Variants in PAPPA2 observed in about 807,000 individuals in gnomAD.
The protein encoded by PAPPA2 is pappalysin 2, also known as pappalysin-2.
Under a neutral mutation model 176.4 loss-of-function variants are expected in PAPPA2, and 86 were observed. The observed-to-expected ratio is 0.49, with a 90% CI of 0.41 to 0.58. PAPPA2 has a LOEUF of 0.58. PAPPA2 is among the 20% of genes least tolerant of loss of function. PAPPA2 has a pLI of 0.00. For synonymous variants in PAPPA2, 809 were observed against 852.2 expected, an observed-to-expected ratio of 0.95 and a Z score of 0.88; for missense variants, 2,073 against 2,256.9, an observed-to-expected ratio of 0.92 and a Z score of 1.65.
At chr1:176,533,454 G>A (rs1649916581) in intron 1 of PAPPA2, among the ~76,000 whole-genome samples, 1 of 152,228 alleles carries the variant, frequency 6.6e-6, no homozygotes, top group Non-Finnish European at 1.5e-5. Context: ...AGCTACTGCT[G>A]AGATACTAAG....
intron 3 of PAPPA2, among the ~76,000 whole-genome samples, chr1:176,665,613 T>C (rs1658597864): frequency 6.6e-6 from 1 of 152,330 alleles, no homozygotes; most frequent in South Asian, 2.1e-4. Context: ...TTTAGTTTCT[T>C]CCTAAAAAGC....
intron 6 of PAPPA2, among the ~76,000 whole-genome samples, chr1:176,693,021 G>A (rs529254169): frequency 1.3e-5 from 2 of 152,264 alleles, no homozygotes; most frequent in Non-Finnish European, 2.9e-5. Context: ...TTTGCATATT[G>A]GTTTGAAAGA....
chr1:176,537,044 C>G (rs572280804), intron 1 of PAPPA2, among the ~76,000 whole-genome samples: 102 of 152,246 alleles, frequency 6.7e-4, no homozygotes, highest in African/African-American at 2.1e-3. Context: ...AATTCCAGAG[C>G]CCATGCATTC....
At chr1:176,701,312 T>C (rs1471656276) in intron 8 of PAPPA2, among the ~76,000 whole-genome samples, 1 of 152,178 alleles carries the variant, frequency 6.6e-6, no homozygotes, top group Admixed American at 6.5e-5. Flanking sequence ...CATGCTGATG[T>C]TTCCATCCAG....
At chr1:176,504,891 G>A (rs897443492) in intron 1 of PAPPA2, among the ~76,000 whole-genome samples, 3 of 152,050 alleles carry the variant, frequency 2.0e-5, no homozygotes, top group African/African-American at 4.8e-5. Flanking sequence ...AAGATAATAC[G>A]GAACAGAGCT....
At chr1:176,793,445 G>A in intron 19 of PAPPA2, 115 bp from the exon 20 acceptor site, 1 of 816,822 alleles carries the variant, frequency 1.2e-6, no homozygotes, top group Non-Finnish European at 2.0e-6. Flanking sequence ...GTCATAATAT[G>A]GTGACCCATG....
At chr1:176,657,585 C>A (rs1658101725) in intron 3 of PAPPA2, among the ~76,000 whole-genome samples, 1 of 151,824 alleles carries the variant, frequency 6.6e-6, no homozygotes, top group African/African-American at 2.4e-5. Context: ...CAGAAATTGA[C>A]AATTAATTGA....
chr1:176,767,037 G>A (rs1664002016), intron 15 of PAPPA2, among the ~76,000 whole-genome samples: 1 of 152,154 alleles, frequency 6.6e-6, no homozygotes, highest in South Asian at 2.1e-4. Flanking sequence ...TGCCTAGAGA[G>A]AAACAGCTTT....
intron 2 of PAPPA2, among the ~76,000 whole-genome samples, chr1:176,587,457 A>T (rs1340090195): frequency 6.6e-6 from 1 of 152,016 alleles, no homozygotes; most frequent in Non-Finnish European, 1.5e-5. Flanking sequence ...ATCTTGAGTT[A>T]ATTTTTGTGT....
rs564711334 is a variant in PAPPA2, at chr1:176,729,545, T to G, written c.3799-10081T>G. ...TTAAAGCAGTGTGTAGAGGGAAATT[T>G]ATAGCACTAAATGCCCACAAGAGAA... On this transcript the variant is annotated intron_variant, in intron 12 of 22. Transcript: ENST00000367662. Among the ~76,000 whole-genome samples, 17 of 152,164 alleles carry G rather than the reference T, an allele frequency of 1.1e-4. No individual in the cohort carries two copies. In the South Asian group the frequency reaches 3.3e-3, roughly 30 times the overall value.
intron 3 of PAPPA2, among the ~76,000 whole-genome samples, chr1:176,666,663 A>T (rs915605107): frequency 6.7e-6 from 1 of 149,764 alleles, no homozygotes; most frequent in South Asian, 2.1e-4. Flanking sequence ...GATAGAGTTC[A>T]TGATGAATGG....
At chr1:176,623,576 C>CCTTCCTTCCTTCCTTCCT (rs1558478866) in intron 3 of PAPPA2, among the ~76,000 whole-genome samples, 1 of 84,956 alleles carries the variant, frequency 1.2e-5, no homozygotes, top group African/African-American at 6.4e-5. Flanking sequence ...CCTTCCTTCC[C>CCTTCCTTCCTTCCTTCCT]TCCTTCCTTC....
Position 176,699,997 on chromosome 1 carries a change from G to A in PAPPA2, c.3236+408G>A, listed in dbSNP as rs151126325. Among the ~76,000 whole-genome samples the A allele has an allele frequency of 5.1e-3, 782 of 152,306 alleles. 3 individuals carry two copies. Among genetic ancestry groups the A allele is most frequent in the Non-Finnish European group, 8.3e-3 (563 of 68,024 alleles). On this transcript the variant is annotated intron_variant, in intron 8 of 22. Transcript: ENST00000367662. ...AGTCAATTCTTCTATTGCTATGCAAGGAGGCCGAGGGCCTGGCAGACCAGA... is the reference window on the plus strand; with the variant it reads ...AGTCAATTCTTCTATTGCTATGCAAAGAGGCCGAGGGCCTGGCAGACCAGA...
intron 15 of PAPPA2, among the ~76,000 whole-genome samples, chr1:176,767,291 G>A (rs547286758): frequency 1.3e-5 from 2 of 152,328 alleles, no homozygotes; most frequent in East Asian, 3.9e-4. Flanking sequence ...AAAATGGACA[G>A]TACCTAACAG....
intron 1 of PAPPA2, among the ~76,000 whole-genome samples, chr1:176,485,155 T>G (rs1436239477): frequency 6.6e-6 from 1 of 152,202 alleles, no homozygotes; most frequent in East Asian, 1.9e-4. Flanking sequence ...TACCACAATC[T>G]CAGCATCAGC....
intron 2 of PAPPA2, among the ~76,000 whole-genome samples, chr1:176,574,951 T>C (rs1352965442): frequency 6.6e-6 from 1 of 152,256 alleles, no homozygotes; most frequent in Non-Finnish European, 1.5e-5. Flanking sequence ...ATAGCCTCGG[T>C]ATGTTCTAGG....
intron 1 of PAPPA2, among the ~76,000 whole-genome samples, chr1:176,510,817 A>ACACACACG (rs1648558504): frequency 6.8e-6 from 1 of 146,274 alleles, no homozygotes; most frequent in African/African-American, 2.6e-5. Context: ...ACATACACAC[A>ACACACACG]CACACACACA....
Position 176,843,715 on chromosome 1 carries a change from T to A in PAPPA2, c.*1261T>A, listed in dbSNP as rs1258840112. 3.3e-5 allele frequency: 5 copies of A among 151,928 alleles called. No individual in the cohort carries two copies. Among genetic ancestry groups the A allele is most frequent in the Non-Finnish European group, 4.4e-5 (3 of 67,994 alleles). The allele number at this position is 151,928 out of a possible 1,614,324, so 9.4% of individuals were successfully genotyped here. The stretch of plus-strand genomic sequence containing the variant: ...AAAGAACAGGCAAGAGCTGTCAGGG[T>A]TAAATCCAGGCCCGGGCATGAGAAT... On this transcript the variant is annotated 3_prime_UTR_variant, in exon 23 of 23. Transcript: ENST00000367662.
At chr1:176,695,373 G>C (rs1437408541) in intron 6 of PAPPA2, among the ~76,000 whole-genome samples, 1 of 152,198 alleles carries the variant, frequency 6.6e-6, no homozygotes, top group Non-Finnish European at 1.5e-5. Flanking sequence ...GAAATTCAAG[G>C]AGCCTTTGAA....
Sources: allele counts gnomAD v4.1 joint callset (sites outside exome capture counted in the v4.1 genomes callset), GRCh38; gene constraint gnomAD v4.1.1; transcripts MANE v1.5; gene names NCBI Gene and HGNC (gene_info 2026-07-23, HGNC 2026-07-21).